The following RAB2A variants were observed in gnomAD, a reference collection of about 807,000 sequenced individuals.
RAB2A encodes RAB2A, member RAS oncogene family, also known as ras-related protein Rab-2A.
RAB2A carries 7 observed loss-of-function variants against 32.5 expected under a neutral mutation model. The observed-to-expected ratio is 0.22, with a 90% CI of 0.12 to 0.40. The LOEUF is 0.40. RAB2A is among the 10% of genes least tolerant of loss of function. The pLI is 1.00. For synonymous variants in RAB2A, 79 were observed against 85.2 expected (o/e 0.93, Z 0.40); for missense variants, 108 against 260.7 (o/e 0.41, Z 4.03).
intron 6 of RAB2A, among the ~76,000 whole-genome samples, chr8:60,612,076 G>C (rs1047986486): frequency 6.6e-6 from 1 of 151,990 alleles, no homozygotes; most frequent in Non-Finnish European, 1.5e-5. Flanking sequence ...CTGTCATCTA[G>C]GTTTTAAGCC....
At position 60,595,224 on chromosome 8, in the gene RAB2A, A is replaced by G. The variant is rs1804003820; in HGVS notation, c.474+3255A>G. On this transcript the variant is annotated intron_variant, in intron 6 of 7. Coordinates refer to ENST00000262646, the MANE Select transcript of RAB2A (RefSeq NM_002865.3). ...TAAATATGATAGACTTTTTTCTTCA[A>G]GTCTTGCAAATTATGTTTGATGTTT... Among the ~76,000 whole-genome samples the G allele has an allele frequency of 5.9e-5, 9 of 152,348 alleles. No homozygotes were observed. In the South Asian group the frequency reaches 1.9e-3, roughly 32 times the overall value.
intron 1 of RAB2A, among the ~76,000 whole-genome samples, chr8:60,550,136 G>C (rs73259441): frequency 0.048 from 7,308 of 152,142 alleles, 425 homozygotes; most frequent in African/African-American, 0.14. Context: ...AACCAAACTG[G>C]AACTGATGAT....
In RAB2A at chr8:60,610,034, T is replaced by A. The variant is rs568663631; in HGVS notation, c.475-8546T>A. On this transcript the variant is annotated intron_variant, in intron 6 of 7. Coordinates refer to ENST00000262646, the MANE Select transcript of RAB2A (RefSeq NM_002865.3). Reference sequence around the variant, plus strand: ...ATCAGGTGCTTCTTCCTTCAGTAGCTGCCTGGAATCTTTGTGGTTTGAAAA... The same window carrying A: ...ATCAGGTGCTTCTTCCTTCAGTAGCAGCCTGGAATCTTTGTGGTTTGAAAA... Among the ~76,000 whole-genome samples the A allele has an allele frequency of 2.0e-5, 3 of 151,088 alleles. No individual in the cohort carries two copies. The East Asian group carries it at 5.8e-4, about 29-fold the overall frequency.
chr8:60,621,823 A>G lies in RAB2A; in HGVS notation c.*1054A>G, dbSNP rs1396995937. On this transcript the variant is annotated 3_prime_UTR_variant, in exon 8 of 8. Coordinates refer to ENST00000262646, the MANE Select transcript of RAB2A (RefSeq NM_002865.3). Reference sequence around the variant, plus strand: ...CTATAATCTTTAAAATATGGTGAGCATCTTGTCTGTTTTGAAGGGGATATG... The same window carrying G: ...CTATAATCTTTAAAATATGGTGAGCGTCTTGTCTGTTTTGAAGGGGATATG... 1 of 152,176 alleles carries G rather than the reference A, an allele frequency of 6.6e-6. No homozygotes were observed. The highest frequency in any genetic ancestry group is 1.5e-5 in the Non-Finnish European group (1 of 68,026). 9.4% of individuals were successfully genotyped at this position (152,176 alleles called of 1,614,324 possible). A position where few individuals can be genotyped will look rare whatever the true frequency, so the allele number is the denominator to read the frequency against.
chr8:60,540,252 G>A (rs374032577), intron 1 of RAB2A, among the ~76,000 whole-genome samples: 2 of 151,092 alleles, frequency 1.3e-5, no homozygotes, highest in Non-Finnish European at 2.9e-5. Flanking sequence ...AGAAGGGTAC[G>A]GGTATATAGT....
At chr8:60,577,792 A>ATT (rs3055112) in intron 3 of RAB2A, among the ~76,000 whole-genome samples, 26,982 of 111,762 alleles carry the variant, frequency 0.24, 2,834 homozygotes, top group African/African-American at 0.37. Context: ...CGCCCGGCTA[A>ATT]TTTTTTTTTT....
At chr8:60,584,431 A>C (rs1295903802) in intron 4 of RAB2A, 141 bp downstream of exon 4, 1 of 687,596 alleles carries the variant, frequency 1.5e-6, no homozygotes, top group Non-Finnish European at 2.4e-6. Context: ...GTCCAATTTA[A>C]ATTTACTACA....
chr8:60,564,652 TTAAGA>T (rs1194722294), intron 2 of RAB2A, among the ~76,000 whole-genome samples: 5 of 152,190 alleles, frequency 3.3e-5, no homozygotes, highest in African/African-American at 9.7e-5. Context: ...TTCTCAAGTC[TTAAGA>T]TGAGTGTATA....
At chr8:60,524,938 G>A (rs1415930420) in intron 1 of RAB2A, among the ~76,000 whole-genome samples, 1 of 152,090 alleles carries the variant, frequency 6.6e-6, no homozygotes, top group Admixed American at 6.5e-5. Context: ...TTAGCTTTTG[G>A]CATTGTGGTC....
intron 1 of RAB2A, among the ~76,000 whole-genome samples, chr8:60,539,183 GA>G (rs1807601027): frequency 6.6e-6 from 1 of 152,142 alleles, no homozygotes; most frequent in African/African-American, 2.4e-5. Flanking sequence ...TCAAAATACA[GA>G]AAGGCAAATG....
rs894596557 is a variant in RAB2A at position 60,622,999 on chromosome 8, G to A, written c.*2230G>A. ...CAGTTGAATTTGTAATATTGTAATT[G>A]AATTTTTAGTTGATCTTCGATCAGT... On this transcript the variant is annotated 3_prime_UTR_variant, in exon 8 of 8. Coordinates refer to ENST00000262646, the MANE Select transcript of RAB2A (RefSeq NM_002865.3). The A allele has an allele frequency of 6.6e-6, 1 of 152,072 alleles. No homozygotes were observed. The highest frequency in any genetic ancestry group is 1.5e-5 in the Non-Finnish European group (1 of 68,008). 9.4% of individuals were successfully genotyped at this position (152,072 alleles called of 1,614,324 possible). A position where few individuals can be genotyped will look rare whatever the true frequency, so the allele number is the denominator to read the frequency against.
Position 60,620,930 on chromosome 8 carries a change from G to A in RAB2A, c.*161G>A, listed in dbSNP as rs1804516591. On this transcript the variant is annotated 3_prime_UTR_variant, in exon 8 of 8. Transcript: ENST00000262646. ...GTATAACTTTGAATAAATGGTTAAT[G>A]TTCACTTAAAAGACAGATTTTGGAG... 1.7e-6 allele frequency: 1 copy of A among 584,012 alleles called. No homozygotes were observed. Among genetic ancestry groups the A allele is most frequent in the Non-Finnish European group, 2.9e-6 (1 of 344,568 alleles). The allele number at this position is 584,012 out of a possible 1,614,324, so 36.2% of individuals were successfully genotyped here. A position where few individuals can be genotyped will look rare whatever the true frequency, so the allele number is the denominator to read the frequency against.
intron 1 of RAB2A, among the ~76,000 whole-genome samples, chr8:60,524,824 A>G (rs530776303): frequency 1.5e-4 from 23 of 152,224 alleles, no homozygotes; most frequent in Non-Finnish European, 2.6e-4. Flanking sequence ...TTATTTTTCT[A>G]AAATTGATTC....
At chr8:60,592,042 A>T in intron 6 of RAB2A, 73 bp downstream of exon 6, 1 of 918,236 alleles carries the variant, frequency 1.1e-6, no homozygotes, top group South Asian at 1.8e-5. Context: ...CATTTTACTT[A>T]TTATTTAAGT....
chr8:60,611,720 A>G (rs1804352636), intron 6 of RAB2A, among the ~76,000 whole-genome samples: 1 of 152,304 alleles, frequency 6.6e-6, no homozygotes, highest in East Asian at 1.9e-4. Context: ...AAACATTTTA[A>G]TATTTACTTT....
chr8:60,539,665 G>A (rs1294246091), intron 1 of RAB2A, among the ~76,000 whole-genome samples: 2 of 152,184 alleles, frequency 1.3e-5, no homozygotes, highest in Admixed American at 6.5e-5. Flanking sequence ...TTATAGTCTA[G>A]CTGTGCTTGT....
Position 60,558,834 on chromosome 8 carries a change from T to C in RAB2A, c.47-18T>C. The C allele has an allele frequency of 1.4e-6, 2 of 1,415,804 alleles. No homozygotes were observed. Among genetic ancestry groups the C allele is most frequent in the Non-Finnish European group, 2.0e-6 (2 of 1,018,448 alleles). 87.7% of individuals were successfully genotyped at this position (1,415,804 alleles called of 1,614,324 possible). ...TTCTGTGAATTTTGTCTCTTATTTA[T>C]TTTTTTTTAACTTTCAGGTGTTGGT... On this transcript the variant is annotated intron_variant, in intron 1 of 7. Transcript: ENST00000262646.
chr8:60,607,962 C>T (rs1804263977), intron 6 of RAB2A, among the ~76,000 whole-genome samples: 1 of 152,152 alleles, frequency 6.6e-6, no homozygotes, highest in South Asian at 2.1e-4. Flanking sequence ...GGATGTTTTT[C>T]CTTCTGGCTT....
At chr8:60,528,479 C>G (rs1329998880) in intron 1 of RAB2A, among the ~76,000 whole-genome samples, 1 of 151,970 alleles carries the variant, frequency 6.6e-6, no homozygotes, top group Non-Finnish European at 1.5e-5. Context: ...TTTTTTTGCC[C>G]TCTGTGTGTT....
Sources: allele counts gnomAD v4.1 joint callset (sites outside exome capture counted in the v4.1 genomes callset), GRCh38; gene constraint gnomAD v4.1.1; transcripts MANE v1.5; gene names NCBI Gene and HGNC (gene_info 2026-07-23, HGNC 2026-07-21).